Variants in POTEE observed in about 807,000 individuals in gnomAD.
POTEE encodes ANKRD26-like family C member 1A.
A neutral mutation model predicts 74.2 loss-of-function variants in POTEE; 21 were observed. That is an observed-to-expected ratio of 0.28 (90% CI 0.20 to 0.41). The LOEUF (loss-of-function observed/expected upper bound fraction) is 0.41, where lower values mean the gene tolerates loss of function less well. POTEE is among the 10% of genes least tolerant of loss of function. The pLI, the probability that POTEE is intolerant of heterozygous loss-of-function variation, is 1.00. For missense variants in POTEE, 525 were observed against 1,158.6 expected (o/e 0.45, Z 7.94); for synonymous variants, 211 against 432.8 (o/e 0.49, Z 6.36).
chr2:131,222,897 T>A (rs986190895), intron 4 of POTEE, among the ~76,000 whole-genome samples: 1 of 152,056 alleles, frequency 6.6e-6, no homozygotes, highest in Non-Finnish European at 1.5e-5. Context: ...GGACCTGTTA[T>A]AACATATTCT....
intron 4 of POTEE, among the ~76,000 whole-genome samples, chr2:131,222,955 C>T (rs1700668811): frequency 6.6e-6 from 1 of 151,724 alleles, no homozygotes; most frequent in South Asian, 2.1e-4. Flanking sequence ...TTATTTTATG[C>T]CTCAATAAGA....
intron 4 of POTEE, among the ~76,000 whole-genome samples, chr2:131,222,871 T>C (rs2105074729): frequency 6.6e-6 from 1 of 151,976 alleles, no homozygotes; most frequent in East Asian, 1.9e-4. Flanking sequence ...GCTGGTCATC[T>C]GACTGGAACC....
chr2:131,218,306 A>G lies in POTEE; in HGVS notation c.-93-4A>G, dbSNP rs1573695887. ...GGCTGGGATTGACATTTCTCTTCAA[A>G]CAGATTGGAAACCCGGAGTTACCTG... On this transcript the variant is annotated splice_region_variant and splice_polypyrimidine_tract_variant and intron_variant, in intron 3 of 17. Transcript: ENST00000683005. 1 of 1,585,778 alleles carries G rather than the reference A, an allele frequency of 6.3e-7. No individual in the cohort carries two copies. The highest frequency in any genetic ancestry group is 1.3e-5 in the African/African-American group (1 of 74,250).
chr2:131,225,375 C>T (rs1196113333), intron 6 of POTEE, among the ~76,000 whole-genome samples: 2 of 152,044 alleles, frequency 1.3e-5, no homozygotes, highest in Non-Finnish European at 2.9e-5. Context: ...GAGACCCTGT[C>T]TCTAACAACA....
At chr2:131,227,020 C>A (rs1243950040) in intron 7 of POTEE, 91 bp downstream of exon 7, 3 of 1,509,568 alleles carry the variant, frequency 2.0e-6, no homozygotes, top group East Asian at 4.9e-5. Flanking sequence ...TGTATACTTA[C>A]TGGGATGTAG....
At chr2:131,219,712 G>A (rs1025571416) in intron 4 of POTEE, among the ~76,000 whole-genome samples, 1 of 151,884 alleles carries the variant, frequency 6.6e-6, no homozygotes, top group Non-Finnish European at 1.5e-5. Context: ...ACTCCAGCCT[G>A]GGCGACAGAG....
At chr2:131,214,539 C>G (rs1187561832) in intron 2 of POTEE, among the ~76,000 whole-genome samples, 1 of 152,134 alleles carries the variant, frequency 6.6e-6, no homozygotes, top group Non-Finnish European at 1.5e-5. Context: ...CTTTTCTTGT[C>G]TAGAAGTGTT....
intron 2 of POTEE, among the ~76,000 whole-genome samples, chr2:131,216,042 G>A (rs1700435953): frequency 6.6e-6 from 1 of 152,074 alleles, no homozygotes; most frequent in African/African-American, 2.4e-5. Context: ...ATACACCAAT[G>A]ACAAACTGTT....
At chr2:131,220,361 G>A (rs1435219759) in intron 4 of POTEE, among the ~76,000 whole-genome samples, 4 of 150,928 alleles carry the variant, frequency 2.7e-5, no homozygotes, top group Non-Finnish European at 4.4e-5. Flanking sequence ...CTGCCACCAC[G>A]CCTGGCTAAT....
chr2:131,231,759 C>G (rs1162554706), intron 9 of POTEE, among the ~76,000 whole-genome samples: 6 of 152,084 alleles, frequency 3.9e-5, no homozygotes, highest in African/African-American at 1.5e-4. Context: ...CAACTCTAGG[C>G]TCAGCAGATT....
chr2:131,215,135 T>C (rs1480112081), intron 2 of POTEE, among the ~76,000 whole-genome samples: 1 of 151,618 alleles, frequency 6.6e-6, no homozygotes, highest in Non-Finnish European at 1.5e-5. Flanking sequence ...TTAGCAAATG[T>C]AGGGAATGAC....
chr2:131,235,955 A>G (rs1701119875), intron 9 of POTEE, among the ~76,000 whole-genome samples: 3 of 152,130 alleles, frequency 2.0e-5, no homozygotes, highest in Non-Finnish European at 2.9e-5. Context: ...AACAGGAGGC[A>G]GGAGAGACCA....
chr2:131,218,033 T>A (rs1254910097), intron 3 of POTEE: 1 of 317,222 alleles, frequency 3.2e-6, no homozygotes, highest in African/African-American at 2.9e-5. Flanking sequence ...TGACGTTTCC[T>A]GCTTGGATTG....
At chr2:131,236,369 C>G (rs1036766552) in intron 9 of POTEE, among the ~76,000 whole-genome samples, 2 of 152,034 alleles carry the variant, frequency 1.3e-5, no homozygotes, top group African/African-American at 2.4e-5. Context: ...TAGCTAAGTG[C>G]GGGAAAACTT....
At chr2:131,219,881 A>G (rs1019582064) in intron 4 of POTEE, among the ~76,000 whole-genome samples, 1 of 152,152 alleles carries the variant, frequency 6.6e-6, no homozygotes, top group African/African-American at 2.4e-5. Flanking sequence ...AGAATGGAAA[A>G]AGTCTGCTTT....
chr2:131,217,771 ACGCCGCACG>A (rs1225351896), intron 3 of POTEE, among the ~76,000 whole-genome samples, 88 bp downstream of exon 3: 1 of 146,334 alleles, frequency 6.8e-6, no homozygotes, highest in South Asian at 2.1e-4. Context: ...CCGCACGCGC[ACGCCGCACG>A]CGCACGCGCA....
chr2:131,218,729 C>T lies in POTEE; in HGVS notation c.327C>T (p.Cys109=). 1 of 1,578,228 alleles carries T rather than the reference C, an allele frequency of 6.3e-7. No individual in the cohort carries two copies. The highest frequency in any genetic ancestry group is 8.7e-7 in the Non-Finnish European group (1 of 1,156,020). Residue 109 remains cysteine (C), a synonymous_variant, in exon 4 of 18, where the codon TGC becomes TGT. Transcript: ENST00000683005. ...GKWCCHCFPC[C]RGSGKSKVGA... ...GGTGCTGCCACTGCTTCCCCTGCTG[C>T]AGGGGGAGCGGCAAGAGCAAGGTGG... is the stretch of plus-strand genomic sequence containing the variant.
intron 17 of POTEE, among the ~76,000 whole-genome samples, chr2:131,263,017 G>A (rs1309169715): frequency 4.6e-5 from 7 of 151,620 alleles, no homozygotes; most frequent in Non-Finnish European, 1.0e-4. Flanking sequence ...ATGCCTCTGG[G>A]TTTTTTGTAA....
Position 131,263,395 on chromosome 2 carries a change from A to G in POTEE, c.1940A>G (p.Glu647Gly). 1.9e-6 allele frequency: 3 copies of G among 1,611,810 alleles called. No individual in the cohort carries two copies. Among genetic ancestry groups the G allele is most frequent in the Non-Finnish European group, 2.5e-6 (3 of 1,179,818 alleles). Reference protein sequence around the residue: ...SCKKEKDVLHENSTLREEIAM... With the variant: ...SCKKEKDVLHGNSTLREEIAM... ...AAGAAAGAAAAAGACGTCTTGCATG[A>G]AAATAGTACGTTGCGGGAAGAAATT... is the stretch of plus-strand genomic sequence containing the variant. The change falls in exon 18 of 18, where the codon GAA (glutamate) becomes GGA (glycine). Residue 647 changes from glutamate to glycine, a missense_variant. Transcript: ENST00000683005.
Sources: allele counts gnomAD v4.1 joint callset (sites outside exome capture counted in the v4.1 genomes callset), GRCh38; gene constraint gnomAD v4.1.1; transcripts MANE v1.5; gene names NCBI Gene and HGNC (gene_info 2026-07-23, HGNC 2026-07-21).